Variants in TTF2 observed in about 807,000 individuals in gnomAD.
TTF2 encodes the protein transcription termination factor 2.
TTF2 carries 108 observed loss-of-function variants against 142.4 expected under a neutral mutation model. That is an observed-to-expected ratio of 0.76 (90% CI 0.65 to 0.89). The LOEUF is 0.89. Ranked by LOEUF, TTF2 falls within the 40% of genes least tolerant of loss-of-function variation. TTF2 has a pLI of 0.00. For missense variants in TTF2, 1,327 were observed against 1,379.8 expected (o/e 0.96, Z 0.61); for synonymous variants, 483 against 506.2 (o/e 0.95, Z 0.61).
At chr1:117,062,508 C>CTTTT in intron 3 of TTF2, 35 bp downstream of exon 3, 4 of 1,290,390 alleles carry the variant, frequency 3.1e-6, no homozygotes, top group South Asian at 1.4e-5. Context: ...AGTGTATTTG[C>CTTTT]TTTTTTTTTT....
intron 20 of TTF2, 63 bp downstream of exon 20, chr1:117,096,362 TTTTG>T (rs1482504055): frequency 1.9e-6 from 3 of 1,558,736 alleles, no homozygotes; most frequent in Non-Finnish European, 2.6e-6. Flanking sequence ...AGAGAATTCT[TTTTG>T]TTTGGTTGGT....
chr1:117,072,735 A>G (rs909018357), intron 3 of TTF2, among the ~76,000 whole-genome samples: 2 of 151,968 alleles, frequency 1.3e-5, no homozygotes, highest in Non-Finnish European at 2.9e-5. Context: ...GATATGAACT[A>G]TTTTTTAAAA....
At chr1:117,084,260 T>C in intron 11 of TTF2, 92 bp downstream of exon 11, 1 of 1,501,696 alleles carries the variant, frequency 6.7e-7, no homozygotes, top group Non-Finnish European at 9.1e-7. Flanking sequence ...TTTCACTTAA[T>C]CAGGACGCGT....
Position 117,077,432 on chromosome 1 carries a change from A to G in TTF2, c.1574-484A>G, listed in dbSNP as rs149765205. 4.0e-3 allele frequency among the ~76,000 whole-genome samples: 605 copies of G among 152,266 alleles called. 4 individuals are homozygous for G. Among genetic ancestry groups the G allele is most frequent in the African/African-American group, 0.014 (582 of 41,558 alleles). ...CATCCAGTCAGCATTTGTGGATGAA[A>G]ACTCTAGCTCGCATCATTATGAGGT... On this transcript the variant is annotated intron_variant, in intron 7 of 22. Transcript: ENST00000369466.
chr1:117,065,809 T>C (rs967708355), intron 3 of TTF2, among the ~76,000 whole-genome samples: 1 of 151,984 alleles, frequency 6.6e-6, no homozygotes, highest in African/African-American at 2.4e-5. Flanking sequence ...TTAAAACCAT[T>C]TACATACTAC....
chr1:117,066,758 A>G (rs1325222775), intron 3 of TTF2, among the ~76,000 whole-genome samples: 8 of 145,628 alleles, frequency 5.5e-5, no homozygotes, highest in African/African-American at 1.8e-4. Context: ...GCTGGAGTAC[A>G]GTGGCACAAT....
Position 117,075,158 on chromosome 1 carries a change from C to G in TTF2, c.574C>G (p.Gln192Glu). Residue 192 changes from glutamine to glutamate, a missense_variant, in exon 5 of 23, where the codon CAA becomes GAA. Transcript: ENST00000369466. This position sits in a 1 kb window ranked among gnomAD's most constrained non-coding sequence, Gnocchi z 4.5. ...LVPKKKQSVV[Q>E]EKKQEEGAEI... ...ACCAAAGAAAAAACAATCTGTAGTTCAAGAGAAGAAGCAAGAAGAGGGAGC... is the reference window on the plus strand; with the variant it reads ...ACCAAAGAAAAAACAATCTGTAGTTGAAGAGAAGAAGCAAGAAGAGGGAGC... The G allele has an allele frequency of 6.2e-7, 1 of 1,614,064 alleles. No individual in the cohort carries two copies. The highest frequency in any genetic ancestry group is 1.1e-5 in the South Asian group (1 of 91,058).
At chr1:117,064,339 A>G (rs1004354438) in intron 3 of TTF2, among the ~76,000 whole-genome samples, 1 of 500 alleles carries the variant, frequency 2.0e-3, no homozygotes, top group African/African-American at 8.9e-3. Context: ...AAAGTGAAAA[A>G]ACAAAAAAAA....
Position 117,063,227 on chromosome 1 carries a change from T to C in TTF2, c.218+754T>C, listed in dbSNP as rs981526484. Among the ~76,000 whole-genome samples the C allele has an allele frequency of 6.6e-6, 1 of 152,214 alleles. No homozygotes were observed. Among genetic ancestry groups the C allele is most frequent in the African/African-American group, 2.4e-5 (1 of 41,464 alleles). On this transcript the variant is annotated intron_variant, in intron 3 of 22. Coordinates refer to ENST00000369466, the MANE Select transcript of TTF2 (RefSeq NM_003594.4). This position sits in a 1 kb window ranked among gnomAD's most constrained non-coding sequence, Gnocchi z 4.1. ...CTACAATTTTTATATACCTGAGTAC[T>C]GTTCATACTTCTATTTTTCTTAATT...
intron 2 of TTF2, 69 bp downstream of exon 2, chr1:117,060,626 C>A: frequency 1.4e-6 from 2 of 1,472,922 alleles, no homozygotes; most frequent in South Asian, 2.5e-5. Flanking sequence ...TCCCGCTCCC[C>A]GCTGTCGGGC....
rs1648269376 is a variant in TTF2 at position 117,088,785 on chromosome 1, C to T, written c.2161-16C>T. On this transcript the variant is annotated splice_polypyrimidine_tract_variant and intron_variant, in intron 12 of 22. Coordinates refer to ENST00000369466, the MANE Select transcript of TTF2 (RefSeq NM_003594.4). ...TTTCCCATATTGTGGCTGGATTTCA[C>T]TTGTGATTCTTCCAGGGCACCTCAA... is the stretch of plus-strand genomic sequence containing the variant. 6.2e-7 allele frequency: 1 copy of T among 1,610,546 alleles called. No individual in the cohort carries two copies. Among genetic ancestry groups the T allele is most frequent in the Non-Finnish European group, 8.5e-7 (1 of 1,178,432 alleles).
chr1:117,083,060 G>A (rs1275907403), intron 10 of TTF2, among the ~76,000 whole-genome samples: 1 of 151,844 alleles, frequency 6.6e-6, no homozygotes, highest in Non-Finnish European at 1.5e-5. Context: ...GACTAATACG[G>A]TGAAACCCCG....
rs1258837522 is a variant in TTF2 at position 117,090,860 on chromosome 1, A to G, written c.2588+237A>G. Among the ~76,000 whole-genome samples, 1 of 152,052 alleles carries G rather than the reference A, an allele frequency of 6.6e-6. No homozygotes were observed. Among genetic ancestry groups the G allele is most frequent in the African/African-American group, 2.4e-5 (1 of 41,352 alleles). On this transcript the variant is annotated intron_variant, in intron 15 of 22. Coordinates refer to ENST00000369466, the MANE Select transcript of TTF2 (RefSeq NM_003594.4). This position sits in a 1 kb window ranked among gnomAD's most constrained non-coding sequence, Gnocchi z 4.8. ...CTACTCTTCATTGGCTTCCTTGCAT[A>G]GAAGTCATAGGGTGTGGTCACCATA... is the stretch of plus-strand genomic sequence containing the variant.
In TTF2 at chr1:117,090,654, C is replaced by A; in HGVS notation, c.2588+31C>A. 6.4e-7 allele frequency: 1 copy of A among 1,560,580 alleles called. No homozygotes were observed. The highest frequency in any genetic ancestry group is 8.8e-7 in the Non-Finnish European group (1 of 1,136,348). On this transcript the variant is annotated intron_variant, in intron 15 of 22. Coordinates refer to ENST00000369466, the MANE Select transcript of TTF2 (RefSeq NM_003594.4). The surrounding 1 kb of genome is among the most constrained non-coding windows in gnomAD (Gnocchi z 4.8). ...TGTATTAAAGAAGCACCTTCTCACA[C>A]ACATTGTTTTATTCCTGTCTTTTCT...
At position 117,075,222 on chromosome 1, in the gene TTF2, A is replaced by G. The variant is rs7535524; in HGVS notation, c.638A>G (p.Lys213Arg). 3.4e-3 allele frequency: 5,565 copies of G among 1,614,220 alleles called. 156 individuals are homozygous for G. In the African/African-American group the frequency reaches 0.064, roughly 19 times the overall value. The change falls in exon 5 of 23, where the codon AAA becomes AGA. Residue 213 changes from lysine to arginine, a missense_variant. Coordinates refer to ENST00000369466, the MANE Select transcript of TTF2 (RefSeq NM_003594.4). This position sits in a 1 kb window ranked among gnomAD's most constrained non-coding sequence, Gnocchi z 4.5. The part of the protein sequence containing the change: ...QCEAETGGTH[K>R]RDFSEIKSQQ... ...GAGGCAGAGACTGGAGGCACACACA[A>G]AAGAGACTTTTCTGAAATTAAATCT...
Position 117,087,997 on chromosome 1 carries a change from T to C in TTF2, c.2161-804T>C, listed in dbSNP as rs973280620. 6.6e-6 allele frequency among the ~76,000 whole-genome samples: 1 copy of C among 152,238 alleles called. No homozygotes were observed. Among genetic ancestry groups the C allele is most frequent in the African/African-American group, 2.4e-5 (1 of 41,468 alleles). ...TATTGAACTAGCCAGTGGGACTTAC[T>C]ATATCTATATCGTATTGTAATTATC... On this transcript the variant is annotated intron_variant, in intron 12 of 22. Coordinates refer to ENST00000369466, the MANE Select transcript of TTF2 (RefSeq NM_003594.4). The surrounding 1 kb of genome is among the most constrained non-coding windows in gnomAD (Gnocchi z 4.8).
At chr1:117,088,397 T>C (rs1648223473) in intron 12 of TTF2, among the ~76,000 whole-genome samples, 1 of 151,766 alleles carries the variant, frequency 6.6e-6, no homozygotes, top group Non-Finnish European at 1.5e-5. Context: ...ATTAGCCGGG[T>C]GTGGTGGCGG....
intron 4 of TTF2, 44 bp from the exon 5 acceptor site, chr1:117,074,826 T>A: frequency 3.4e-6 from 5 of 1,471,424 alleles, no homozygotes; most frequent in Admixed American, 2.4e-5. Flanking sequence ...AGATACGAAG[T>A]TTGTATTAAT....
intron 16 of TTF2, 82 bp downstream of exon 16, chr1:117,091,492 A>G: frequency 7.1e-7 from 1 of 1,401,828 alleles, no homozygotes; most frequent in Non-Finnish European, 9.7e-7. Context: ...ATGTGAGGTT[A>G]TGAATCCTTG....
Sources: allele counts gnomAD v4.1 joint callset (sites outside exome capture counted in the v4.1 genomes callset), GRCh38; gene constraint gnomAD v4.1.1; non-coding constraint Gnocchi (gnomAD v3.1); transcripts MANE v1.5; gene names NCBI Gene and HGNC (gene_info 2026-07-23, HGNC 2026-07-21).